ZNF12: variants seen among roughly 807,000 people sequenced by gnomAD.
ZNF12 encodes zinc finger protein 12.
Under a neutral mutation model 66.6 loss-of-function variants are expected in ZNF12, and 34 were observed. That is an observed-to-expected ratio of 0.51 (90% CI 0.39 to 0.68). The LOEUF is 0.68. ZNF12 is among the 30% of genes least tolerant of loss of function. ZNF12 has a pLI of 0.00. For synonymous variants in ZNF12, 320 were observed against 278.9 expected (o/e 1.15, Z -1.47); for missense variants, 697 against 826.9 (o/e 0.84, Z 1.93).
In ZNF12 at chr7:6,690,703, A is replaced by C; in HGVS notation, c.*145T>G. ...TTATAATCATGGTTTCCATTCTGTG[A>C]GTCTTCAGATTATGAGTCCAACACA... is the stretch of plus-strand genomic sequence containing the variant. On this transcript the variant is annotated 3_prime_UTR_variant, in exon 5 of 5. Coordinates refer to ENST00000405858, the MANE Select transcript of ZNF12 (RefSeq NM_016265.4). 1.3e-6 allele frequency: 1 copy of C among 778,226 alleles called. No individual in the cohort carries two copies. Among genetic ancestry groups the C allele is most frequent in the Non-Finnish European group, 2.0e-6 (1 of 506,394 alleles). The allele number at this position is 778,226 out of a possible 1,614,324, so 48.2% of individuals were successfully genotyped here. A position where few individuals can be genotyped will look rare whatever the true frequency, so the allele number is the denominator to read the frequency against.
Position 6,706,594 on chromosome 7 carries a change from G to C in ZNF12, c.-213C>G, listed in dbSNP as rs1425680948. On this transcript the variant is annotated 5_prime_UTR_variant, in exon 1 of 5. Transcript: ENST00000405858. Reference sequence around the variant, plus strand: ...CGGGCCTACGGGACAAATCCAGGCGGGGCGTCCCTCCCGGAGCCCAGATCC... The same window carrying C: ...CGGGCCTACGGGACAAATCCAGGCGCGGCGTCCCTCCCGGAGCCCAGATCC... 6.6e-6 allele frequency: 3 copies of C among 456,522 alleles called. No homozygotes were observed. The highest frequency in any genetic ancestry group is 1.3e-5 in the Non-Finnish European group (3 of 228,084). The allele number at this position is 456,522 out of a possible 1,614,324, so 28.3% of individuals were successfully genotyped here. A position where few individuals can be genotyped will look rare whatever the true frequency, so the allele number is the denominator to read the frequency against.
chr7:6,704,905 T>C (rs964764360), intron 2 of ZNF12, among the ~76,000 whole-genome samples: 4 of 152,186 alleles, frequency 2.6e-5, no homozygotes, highest in Non-Finnish European at 4.4e-5. Flanking sequence ...AAGGAATGGA[T>C]GGTATTTATC....
At chr7:6,704,957 C>CTT (rs1253008714) in intron 2 of ZNF12, among the ~76,000 whole-genome samples, 1 of 152,142 alleles carries the variant, frequency 6.6e-6, no homozygotes, top group African/African-American at 2.4e-5. Flanking sequence ...CGCTTGTACT[C>CTT]TGACTTCAAG....
rs1224476200 is a variant in ZNF12, at chr7:6,689,416, G to A, written c.*1432C>T. On this transcript the variant is annotated 3_prime_UTR_variant, in exon 5 of 5. Coordinates refer to ENST00000405858, the MANE Select transcript of ZNF12 (RefSeq NM_016265.4). ...ACCTTTTCCAGAAGTAGTCTGTCAGGTATATCCTTTGTTTTATGTCTAGAA... is the reference window on the plus strand; with the variant it reads ...ACCTTTTCCAGAAGTAGTCTGTCAGATATATCCTTTGTTTTATGTCTAGAA... 1 of 152,202 alleles carries A rather than the reference G, an allele frequency of 6.6e-6. No homozygotes were observed. The highest frequency in any genetic ancestry group is 1.5e-5 in the Non-Finnish European group (1 of 68,054). 9.4% of individuals were successfully genotyped at this position (152,202 alleles called of 1,614,324 possible).
chr7:6,705,279 G>T lies in ZNF12; in HGVS notation c.-50-56C>A. ...ATGAGCGGTCTGGCCTGCCAAGGCG[G>T]TCATCTCCCGCCCAAAACCTACACA... On this transcript the variant is annotated intron_variant, in intron 1 of 4. Coordinates refer to ENST00000405858, the MANE Select transcript of ZNF12 (RefSeq NM_016265.4). The surrounding 1 kb of genome is among the most constrained non-coding windows in gnomAD (Gnocchi z 4.0). 1 of 1,366,296 alleles carries T rather than the reference G, an allele frequency of 7.3e-7. No homozygotes were observed. Among genetic ancestry groups the T allele is most frequent in the Non-Finnish European group, 1.0e-6 (1 of 973,532 alleles). 84.6% of individuals were successfully genotyped at this position (1,366,296 alleles called of 1,614,324 possible).
intron 2 of ZNF12, chr7:6,704,214 C>A (rs978190978): frequency 6.6e-6 from 1 of 151,768 alleles, no homozygotes; most frequent in African/African-American, 2.4e-5. Flanking sequence ...TGGCAGGTGC[C>A]TGTAATCGCA....
Position 6,704,740 on chromosome 7 carries a change from C to CAAAAAAAAAA in ZNF12, c.15+409_15+418dup, listed in dbSNP as rs949897713. 1.2e-3 allele frequency among the ~76,000 whole-genome samples: 38 copies of CAAAAAAAAAA among 32,248 alleles called. 1 individual carries two copies. The highest frequency in any genetic ancestry group is 2.1e-3 in the South Asian group (1 of 480). 21.2% of individuals were successfully genotyped at this position (32,248 alleles called of 152,430 possible). On this transcript the variant is annotated intron_variant, in intron 2 of 4. Transcript: ENST00000405858. ...GGTGACAGAGCGCAATACTTGGTCTCAAAAAAAAAAAAAAAAAAAAAAAAA... is the reference window on the plus strand; with the variant it reads ...GGTGACAGAGCGCAATACTTGGTCTCAAAAAAAAAAAAAAAAAAAAAAAAAAAAAAAAAAA...
At chr7:6,699,905 A>G (rs143322047) in intron 2 of ZNF12, among the ~76,000 whole-genome samples, 51 of 152,354 alleles carry the variant, frequency 3.3e-4, no homozygotes, top group African/African-American at 1.2e-3. Context: ...TATGACTACA[A>G]TAAGTGTGAA....
rs371686641 is a variant in ZNF12 at position 6,697,325 on chromosome 7, C to T, written c.238+14G>A. On this transcript the variant is annotated intron_variant, in intron 4 of 4. Coordinates refer to ENST00000405858, the MANE Select transcript of ZNF12 (RefSeq NM_016265.4). The surrounding 1 kb of genome is among the most constrained non-coding windows in gnomAD (Gnocchi z 6.1). ...CCCAAGTTACCGATCTCCTCACTGC[C>T]TCCACTAACACACCTGGATAGCTCT... is the stretch of plus-strand genomic sequence containing the variant. The T allele has an allele frequency of 6.3e-7, 1 of 1,592,552 alleles. No homozygotes were observed. Among genetic ancestry groups the T allele is most frequent in the Non-Finnish European group, 8.6e-7 (1 of 1,167,358 alleles).
rs575444294 is a variant in ZNF12, at chr7:6,692,283, A to G, written c.659T>C (p.Ile220Thr). The G allele has an allele frequency of 2.2e-5, 36 of 1,612,960 alleles. No homozygotes were observed. In the South Asian group the frequency reaches 2.8e-4, roughly 12 times the overall value. ...CTTTTGGAAGGCTTTCTGGCATTCAATATATTCAAAAGGTTTCTCCAAAAT... is the reference window on the plus strand; with the variant it reads ...CTTTTGGAAGGCTTTCTGGCATTCAGTATATTCAAAAGGTTTCTCCAAAAT... ...IRILEKPFEY[I>T]ECQKAFQKDT... The change falls in exon 5 of 5, where the codon ATT (isoleucine) becomes ACT (threonine). Residue 220 changes from isoleucine to threonine, a missense_variant. Ile to Thr is a moderately conservative substitution (Grantham distance 89). Coordinates refer to ENST00000405858, the MANE Select transcript of ZNF12 (RefSeq NM_016265.4). This position sits in a 1 kb window ranked among gnomAD's most constrained non-coding sequence, Gnocchi z 5.1.
In ZNF12 at chr7:6,692,908, C is replaced by A. The variant is rs930046958; in HGVS notation, c.239-205G>T. The stretch of plus-strand genomic sequence containing the variant: ...ACAAACACACACACACACACACATC[C>A]CCCTCTAGGAATGGAGAAAGGGGGA... On this transcript the variant is annotated intron_variant, in intron 4 of 4. Coordinates refer to ENST00000405858, the MANE Select transcript of ZNF12 (RefSeq NM_016265.4). The surrounding 1 kb of genome is among the most constrained non-coding windows in gnomAD (Gnocchi z 5.1). Among the ~76,000 whole-genome samples, 5 of 151,560 alleles carry A rather than the reference C, an allele frequency of 3.3e-5. No individual in the cohort carries two copies. The highest frequency in any genetic ancestry group is 2.9e-5 in the Non-Finnish European group (2 of 67,948).
At chr7:6,701,350 C>G (rs1223889424) in intron 2 of ZNF12, among the ~76,000 whole-genome samples, 2 of 152,096 alleles carry the variant, frequency 1.3e-5, no homozygotes, top group African/African-American at 4.8e-5. Context: ...GAAAAAAAGA[C>G]AAAATGCTAG....
At chr7:6,699,360 C>T (rs1243478376) in intron 2 of ZNF12, among the ~76,000 whole-genome samples, 1 of 152,194 alleles carries the variant, frequency 6.6e-6, no homozygotes, top group African/African-American at 2.4e-5. Flanking sequence ...CCACTCTCTC[C>T]CAGCTCTAGA....
intron 4 of ZNF12, among the ~76,000 whole-genome samples, chr7:6,694,444 G>C (rs182990204): frequency 3.3e-5 from 5 of 152,268 alleles, no homozygotes; most frequent in Admixed American, 1.3e-4. Flanking sequence ...TGCCAAGCTA[G>C]GATGACAGTC....
chr7:6,705,008 T>A lies in ZNF12; in HGVS notation c.15+151A>T, dbSNP rs1780329982. 1.2e-6 allele frequency: 1 copy of A among 826,632 alleles called. No individual in the cohort carries two copies. Among genetic ancestry groups the A allele is most frequent in the Middle Eastern group, 3.1e-4 (1 of 3,182 alleles). The allele number at this position is 826,632 out of a possible 1,614,324, so 51.2% of individuals were successfully genotyped here. On this transcript the variant is annotated intron_variant, in intron 2 of 4. Transcript: ENST00000405858. This position sits in a 1 kb window ranked among gnomAD's most constrained non-coding sequence, Gnocchi z 4.0. ...ACGCTATCTGCGCATATGAATATGA[T>A]AAAAAGGCTTGGTGCTGATGGCTAC...
rs533437162 is a variant in ZNF12, at chr7:6,698,471, T to C, written c.16-660A>G. On this transcript the variant is annotated intron_variant, in intron 2 of 4. Coordinates refer to ENST00000405858, the MANE Select transcript of ZNF12 (RefSeq NM_016265.4). This position sits in a 1 kb window ranked among gnomAD's most constrained non-coding sequence, Gnocchi z 4.4. ...CAAACTCAACATCCCTGAAATTCAA[T>C]TGCTGTTCCTGTTCAAACCTGCTCC... Among the ~76,000 whole-genome samples, 8 of 152,320 alleles carry C rather than the reference T, an allele frequency of 5.3e-5. No individual in the cohort carries two copies. In the South Asian group the frequency reaches 8.3e-4, roughly 16 times the overall value.
intron 2 of ZNF12, among the ~76,000 whole-genome samples, chr7:6,700,302 T>C (rs13309298): frequency 7.2e-5 from 6 of 83,876 alleles, no homozygotes; most frequent in African/African-American, 3.3e-4. Flanking sequence ...AAAAAAAAAA[T>C]ATACACACAC....
chr7:6,704,534 G>A (rs531148013), intron 2 of ZNF12, among the ~76,000 whole-genome samples: 34 of 133,754 alleles, frequency 2.5e-4, no homozygotes, highest in African/African-American at 8.8e-4. Flanking sequence ...TTCGAGAGCA[G>A]CCTGGCCAAC....
At position 6,692,743 on chromosome 7, in the gene ZNF12, CTA is replaced by C. The variant is rs746324807; in HGVS notation, c.239-42_239-41del. The C allele has an allele frequency of 1.0e-5, 15 of 1,502,942 alleles. No individual in the cohort carries two copies. Among genetic ancestry groups the C allele is most frequent in the African/African-American group, 5.6e-5 (4 of 71,162 alleles). The allele number at this position is 1,502,942 out of a possible 1,614,324, so 93.1% of individuals were successfully genotyped here. A position where few individuals can be genotyped will look rare whatever the true frequency, so the allele number is the denominator to read the frequency against. ...AATTAATAAACTTTTGTACATCTTC[CTA>C]TATATATATGATATGGAATGAGATT... On this transcript the variant is annotated intron_variant, in intron 4 of 4. Coordinates refer to ENST00000405858, the MANE Select transcript of ZNF12 (RefSeq NM_016265.4). This position sits in a 1 kb window ranked among gnomAD's most constrained non-coding sequence, Gnocchi z 5.1.
Sources: allele counts gnomAD v4.1 joint callset (sites outside exome capture counted in the v4.1 genomes callset), GRCh38; gene constraint gnomAD v4.1.1; non-coding constraint Gnocchi (gnomAD v3.1); transcripts MANE v1.5; gene names NCBI Gene and HGNC (gene_info 2026-07-23, HGNC 2026-07-21).